HIVEP2: variants seen among roughly 807,000 people sequenced by gnomAD.
HIVEP2 encodes the protein transcription factor HIVEP2.
Under a neutral mutation model 180.7 loss-of-function variants are expected in HIVEP2, and 14 were observed. The ratio of observed to expected loss-of-function variants is 0.08; its 90% CI spans 0.05 to 0.12. The LOEUF (loss-of-function observed/expected upper bound fraction) is 0.12. HIVEP2 is among the 10% of genes least tolerant of loss of function. The probability of loss-of-function intolerance (pLI) is 1.00; values close to 1 mark genes in which losing one functional copy is unlikely to be tolerated. For synonymous variants in HIVEP2, 1,184 were observed against 1,136.4 expected, an observed-to-expected ratio of 1.04 and a Z score of -0.84; for missense variants, 2,579 against 3,008.5, an observed-to-expected ratio of 0.86 and a Z score of 3.34.
chr6:142,891,034 G>T (rs1484108259), intron 1 of HIVEP2, among the ~76,000 whole-genome samples: 1 of 152,164 alleles, frequency 6.6e-6, no homozygotes, highest in African/African-American at 2.4e-5. Flanking sequence ...TACCTGTGCT[G>T]TAAAGATAGG....
rs923062154 is a variant in HIVEP2, at chr6:142,772,148, G to C, written c.2591C>G (p.Ser864Cys). ...GDGAESGGKPSPSQQVQQQSY... is the reference protein window; with the variant it reads ...GDGAESGGKPCPSQQVQQQSY... Reference sequence around the variant, plus strand: ...CTGCTGCTGCACCTGCTGAGATGGAGAGGGTTTCCCCCCACTTTCTGCACC... The same window carrying C: ...CTGCTGCTGCACCTGCTGAGATGGACAGGGTTTCCCCCCACTTTCTGCACC... Residue 864 changes from serine to cysteine, a missense_variant, in exon 5 of 10, where the codon TCT (serine) becomes TGT (cysteine). Transcript: ENST00000367603. This position sits in a 1 kb window ranked among gnomAD's most constrained non-coding sequence, Gnocchi z 4.9. 6.2e-7 allele frequency: 1 copy of C among 1,614,210 alleles called. No homozygotes were observed. The highest frequency in any genetic ancestry group is 1.7e-5 in the Admixed American group (1 of 60,028).
chr6:142,792,421 G>A (rs1419133223), intron 2 of HIVEP2, among the ~76,000 whole-genome samples: 4 of 152,140 alleles, frequency 2.6e-5, no homozygotes, highest in African/African-American at 9.7e-5. Flanking sequence ...GCAAGGACAT[G>A]GATGAAGCTG....
rs780323699 is a variant in HIVEP2, at chr6:142,770,425, G to A, written c.4314C>T (p.Ser1438=). 2.5e-6 allele frequency: 4 copies of A among 1,614,124 alleles called. No homozygotes were observed. Among genetic ancestry groups the A allele is most frequent in the Non-Finnish European group, 3.4e-6 (4 of 1,180,016 alleles). ...TACTGGCTGGAGAAAGCATTCGCTT[G>A]CTACCTCCCAGGGTGGCCACGCTGT... is the stretch of plus-strand genomic sequence containing the variant. ...TSDSVATLGG[S]KRMLSPASSL... Residue 1438 remains serine, a synonymous_variant, in exon 5 of 10, where the codon AGC becomes AGT. Transcript: ENST00000367603. The surrounding 1 kb of genome is among the most constrained non-coding windows in gnomAD (Gnocchi z 4.7).
intron 1 of HIVEP2, among the ~76,000 whole-genome samples, chr6:142,936,563 A>G (rs1778060635): frequency 6.6e-6 from 1 of 152,182 alleles, no homozygotes; most frequent in South Asian, 2.1e-4. Context: ...TTTTTAAAAA[A>G]TCTAGTGCTA....
chr6:142,846,165 G>T (rs534573649), intron 1 of HIVEP2, among the ~76,000 whole-genome samples: 1 of 152,256 alleles, frequency 6.6e-6, no homozygotes, highest in African/African-American at 2.4e-5. Context: ...TGTTGCCTTA[G>T]GACAATAGCA....
chr6:142,759,131 G>T (rs529634402), intron 9 of HIVEP2, among the ~76,000 whole-genome samples: 1 of 151,992 alleles, frequency 6.6e-6, no homozygotes, highest in Admixed American at 6.6e-5. Context: ...GTGAAACCCT[G>T]CCTCTACCAA....
chr6:142,752,836 A>G lies in HIVEP2; in HGVS notation c.*271T>C, dbSNP rs971377738. On this transcript the variant is annotated 3_prime_UTR_variant, in exon 10 of 10. Transcript: ENST00000367603. The stretch of plus-strand genomic sequence containing the variant: ...TACAAATTACTGCTAAAAAATGCTT[A>G]TAAGAATATAAGCAAAGTAAAGAAA... 1 of 341,004 alleles carries G rather than the reference A, an allele frequency of 2.9e-6. No homozygotes were observed. Among genetic ancestry groups the G allele is most frequent in the East Asian group, 5.1e-5 (1 of 19,432 alleles). 21.1% of individuals were successfully genotyped at this position (341,004 alleles called of 1,614,324 possible).
At chr6:142,884,919 C>T (rs539734069) in intron 1 of HIVEP2, among the ~76,000 whole-genome samples, 1 of 152,180 alleles carries the variant, frequency 6.6e-6, no homozygotes, top group South Asian at 2.1e-4. Context: ...CTCCTCAAAG[C>T]ATGCTGATAA....
chr6:142,799,320 G>A (rs1314600748), intron 2 of HIVEP2, among the ~76,000 whole-genome samples: 2 of 152,034 alleles, frequency 1.3e-5, no homozygotes, highest in African/African-American at 4.8e-5. Flanking sequence ...GCTTGTCAGT[G>A]GGAAACAACA....
chr6:142,917,349 A>T (rs566990457), intron 1 of HIVEP2, among the ~76,000 whole-genome samples: 73 of 152,322 alleles, frequency 4.8e-4, no homozygotes, highest in African/African-American at 1.6e-3. Context: ...AAATTTTCTG[A>T]GTGCAGATCT....
At chr6:142,812,049 G>T (rs1166499859) in intron 2 of HIVEP2, among the ~76,000 whole-genome samples, 1 of 152,152 alleles carries the variant, frequency 6.6e-6, no homozygotes, top group African/African-American at 2.4e-5. Context: ...GAGTGTTCAG[G>T]CCATGGCCTA....
chr6:142,842,464 A>C (rs1378578815), intron 1 of HIVEP2, among the ~76,000 whole-genome samples: 2 of 152,152 alleles, frequency 1.3e-5, no homozygotes, highest in African/African-American at 4.8e-5. Context: ...AAAAAGAAAA[A>C]ATGGGAAGAA....
At chr6:142,804,411 A>G (rs1776494430) in intron 2 of HIVEP2, among the ~76,000 whole-genome samples, 2 of 152,182 alleles carry the variant, frequency 1.3e-5, no homozygotes, top group African/African-American at 4.8e-5. Context: ...ATCAGGATTC[A>G]TAACTCTAGT....
rs118171133 is a variant in HIVEP2 at position 142,795,988 on chromosome 6, C to T, written c.-527-12373G>A. Reference sequence around the variant, plus strand: ...AGAAGGGGATAATAAAGGTGCTGGCCCATTTCTCCACCACTCTATGGGGGA... The same window carrying T: ...AGAAGGGGATAATAAAGGTGCTGGCTCATTTCTCCACCACTCTATGGGGGA... On this transcript the variant is annotated intron_variant, in intron 2 of 9. Coordinates refer to ENST00000367603, the MANE Select transcript of HIVEP2 (RefSeq NM_006734.4). 9.9e-5 allele frequency among the ~76,000 whole-genome samples: 15 copies of T among 152,194 alleles called. 1 individual carries two copies. In the East Asian group the frequency reaches 2.9e-3, roughly 29 times the overall value.
At chr6:142,926,062 T>C (rs1777801751) in intron 1 of HIVEP2, among the ~76,000 whole-genome samples, 1 of 152,232 alleles carries the variant, frequency 6.6e-6, no homozygotes, top group Non-Finnish European at 1.5e-5. Flanking sequence ...AGTTACTAAA[T>C]TATAGATTAT....
At chr6:142,805,303 C>G (rs1776519458) in intron 2 of HIVEP2, among the ~76,000 whole-genome samples, 1 of 152,040 alleles carries the variant, frequency 6.6e-6, no homozygotes, top group African/African-American at 2.4e-5. Flanking sequence ...CATGGAGGGA[C>G]AGGGAAGCAA....
intron 6 of HIVEP2, among the ~76,000 whole-genome samples, chr6:142,766,200 T>C (rs1282095308): frequency 2.0e-5 from 3 of 152,238 alleles, no homozygotes; most frequent in African/African-American, 7.2e-5. Flanking sequence ...ACAGCAACTC[T>C]GTTACGGATT....
At chr6:142,923,540 T>C (rs1562293921) in intron 1 of HIVEP2, among the ~76,000 whole-genome samples, 1 of 152,194 alleles carries the variant, frequency 6.6e-6, no homozygotes, top group Non-Finnish European at 1.5e-5. Flanking sequence ...CATATTTGAT[T>C]CCAAATAATA....
At chr6:142,888,508 G>A (rs754631273) in intron 1 of HIVEP2, among the ~76,000 whole-genome samples, 1 of 152,012 alleles carries the variant, frequency 6.6e-6, no homozygotes, top group Non-Finnish European at 1.5e-5. Context: ...TTTTCATTTA[G>A]TAAATAAGAT....
Sources: gnomAD v4.1 joint callset for allele counts (sites outside exome capture counted in the v4.1 genomes callset) on GRCh38, gnomAD v4.1.1 for gene constraint, Gnocchi (gnomAD v3.1) non-coding constraint, MANE v1.5 for transcripts, NCBI Gene and HGNC (gene_info 2026-07-23, HGNC 2026-07-21) for gene names.